CNTNAP5: variants seen among roughly 807,000 people sequenced by gnomAD.
CNTNAP5 encodes contactin associated protein family member 5.
A neutral mutation model predicts 150.2 loss-of-function variants in CNTNAP5; 72 were observed. The observed-to-expected ratio is 0.48, with a 90% CI of 0.40 to 0.58. The LOEUF (loss-of-function observed/expected upper bound fraction) is 0.58, where lower values mean the gene tolerates loss of function less well. CNTNAP5 is among the 20% of genes least tolerant of loss of function. CNTNAP5 has a pLI of 0.00. For synonymous variants in CNTNAP5, 672 were observed against 619.8 expected, an observed-to-expected ratio of 1.08 and a Z score of -1.25; for missense variants, 1,636 against 1,626.2, an observed-to-expected ratio of 1.01 and a Z score of -0.10.
At chr2:124,409,999 A>G (rs1269510498) in intron 3 of CNTNAP5, among the ~76,000 whole-genome samples, 1 of 150,214 alleles carries the variant, frequency 6.7e-6, no homozygotes, top group Non-Finnish European at 1.5e-5. Flanking sequence ...TCACGTGCAG[A>G]GACACACATA....
intron 14 of CNTNAP5, among the ~76,000 whole-genome samples, chr2:124,752,652 A>C (rs1472664623): frequency 6.6e-6 from 1 of 152,182 alleles, no homozygotes; most frequent in Non-Finnish European, 1.5e-5. Context: ...ACATATAAAG[A>C]ATAATAATTT....
chr2:124,483,284 G>GCA (rs1410348709), intron 7 of CNTNAP5, among the ~76,000 whole-genome samples: 1 of 152,192 alleles, frequency 6.6e-6, no homozygotes, highest in Non-Finnish European at 1.5e-5. Context: ...GGCCTAGAGA[G>GCA]CACTGGAAGA....
At chr2:124,228,126 G>A (rs1686512728) in intron 2 of CNTNAP5, among the ~76,000 whole-genome samples, 1 of 151,964 alleles carries the variant, frequency 6.6e-6, no homozygotes. Context: ...TCCATCTGAG[G>A]CCCAAGGTCT....
At chr2:124,460,227 G>A (rs1442601515) in intron 6 of CNTNAP5, among the ~76,000 whole-genome samples, 1 of 152,110 alleles carries the variant, frequency 6.6e-6, no homozygotes, top group East Asian at 1.9e-4. Flanking sequence ...AAAGCAAGAG[G>A]TAAGTTAGAA....
At chr2:124,701,929 C>G (rs1446418848) in intron 13 of CNTNAP5, among the ~76,000 whole-genome samples, 1 of 151,402 alleles carries the variant, frequency 6.6e-6, no homozygotes, top group East Asian at 1.9e-4. Context: ...TTATTTTTTT[C>G]CCAACATTTT....
At chr2:124,283,583 T>G (rs1296449011) in intron 3 of CNTNAP5, among the ~76,000 whole-genome samples, 1 of 152,198 alleles carries the variant, frequency 6.6e-6, no homozygotes, top group African/African-American at 2.4e-5. Flanking sequence ...ACCTACTCTG[T>G]CTTGGCAATA....
intron 11 of CNTNAP5, among the ~76,000 whole-genome samples, chr2:124,591,270 A>C (rs144930247): frequency 6.8e-4 from 103 of 152,250 alleles, no homozygotes; most frequent in Non-Finnish European, 7.5e-4. Context: ...AGAAAATGTG[A>C]TGATTTCCTC....
At chr2:124,774,734 G>A (rs747701937) in intron 17 of CNTNAP5, among the ~76,000 whole-genome samples, 3 of 151,954 alleles carry the variant, frequency 2.0e-5, no homozygotes, top group Non-Finnish European at 2.9e-5. Context: ...TTATCTTCAG[G>A]CAGTATTTAT....
chr2:124,170,461 G>A (rs899964570), intron 1 of CNTNAP5, among the ~76,000 whole-genome samples: 5 of 152,156 alleles, frequency 3.3e-5, no homozygotes, highest in Non-Finnish European at 5.9e-5. Context: ...GATGAGTGGC[G>A]TCTTGGGACA....
At chr2:124,734,468 T>C (rs1410147784) in intron 13 of CNTNAP5, among the ~76,000 whole-genome samples, 1 of 151,916 alleles carries the variant, frequency 6.6e-6, no homozygotes, top group African/African-American at 2.4e-5. Context: ...GCTGCAGAAA[T>C]GAAGCAAAAG....
chr2:124,459,758 TAAAA>T (rs11355936), intron 6 of CNTNAP5, among the ~76,000 whole-genome samples: 9 of 113,424 alleles, frequency 7.9e-5, no homozygotes, highest in African/African-American at 1.4e-4. Context: ...AATTCCTCTG[TAAAA>T]AAAAAAAAAA....
At chr2:124,205,457 C>A (rs1179571285) in intron 1 of CNTNAP5, among the ~76,000 whole-genome samples, 1 of 149,172 alleles carries the variant, frequency 6.7e-6, no homozygotes, top group Non-Finnish European at 1.5e-5. Context: ...CTCACCCTGT[C>A]TCCCAGGCTG....
intron 3 of CNTNAP5, among the ~76,000 whole-genome samples, chr2:124,383,719 A>G (rs1820396): frequency 0.041 from 6,216 of 152,320 alleles, 427 homozygotes; most frequent in African/African-American, 0.14. Context: ...TTACTAGCAG[A>G]GTTCCTACCA....
At chr2:124,057,997 T>A (rs11123019) in intron 1 of CNTNAP5, among the ~76,000 whole-genome samples, 30,464 of 151,950 alleles carry the variant, frequency 0.2, 3,262 homozygotes, top group Admixed American at 0.3. Flanking sequence ...ATTATTTTTT[T>A]AAAAATTAAA....
intron 3 of CNTNAP5, among the ~76,000 whole-genome samples, chr2:124,263,020 G>C (rs1687500980): frequency 6.6e-6 from 1 of 152,062 alleles, no homozygotes; most frequent in Non-Finnish European, 1.5e-5. Context: ...TGGTGTATAT[G>C]TGCCACATTT....
At chr2:124,383,204 G>A (rs1690845145) in intron 3 of CNTNAP5, among the ~76,000 whole-genome samples, 1 of 152,110 alleles carries the variant, frequency 6.6e-6, no homozygotes, top group African/African-American at 2.4e-5. Flanking sequence ...TAGTTCCTCA[G>A]GTTTGTAGAG....
At chr2:124,637,199 A>C (rs1291423463) in intron 12 of CNTNAP5, among the ~76,000 whole-genome samples, 1 of 152,142 alleles carries the variant, frequency 6.6e-6, no homozygotes, top group Non-Finnish European at 1.5e-5. Flanking sequence ...AGTGTCTACA[A>C]TTTGGAATTG....
At chr2:124,597,691 G>C (rs1307108955) in intron 11 of CNTNAP5, among the ~76,000 whole-genome samples, 1 of 151,590 alleles carries the variant, frequency 6.6e-6, no homozygotes, top group East Asian at 2.0e-4. Flanking sequence ...ACGTTGGCCT[G>C]CCTTGCTAGA....
intron 1 of CNTNAP5, among the ~76,000 whole-genome samples, chr2:124,036,160 A>G (rs970421961): frequency 2.7e-4 from 40 of 150,658 alleles, no homozygotes; most frequent in African/African-American, 8.0e-4. Context: ...TCCTGACCTC[A>G]TGATCCACCC....
Sources: allele counts gnomAD v4.1 joint callset (sites outside exome capture counted in the v4.1 genomes callset), GRCh38; gene constraint gnomAD v4.1.1; transcripts MANE v1.5; gene names NCBI Gene and HGNC (gene_info 2026-07-23, HGNC 2026-07-21).